Variants in NRAP observed in about 807,000 individuals in gnomAD.
The protein encoded by NRAP is nebulin-related-anchoring protein.
In NRAP, 189 loss-of-function variants were observed where a neutral mutation model predicts 225.9. That is an observed-to-expected ratio of 0.84 (90% CI 0.74 to 0.94). The LOEUF (loss-of-function observed/expected upper bound fraction) is 0.94. Ranked by LOEUF, NRAP falls within the 40% of genes least tolerant of loss-of-function variation. NRAP has a pLI of 0.00. For missense variants in NRAP, 2,176 were observed against 2,168.7 expected (o/e 1.00, Z -0.07); for synonymous variants, 769 against 790.7 (o/e 0.97, Z 0.46).
At chr10:113,589,430 G>T in intron 41 of NRAP, 1 of 594,390 alleles carries the variant, frequency 1.7e-6, no homozygotes, top group Non-Finnish European at 2.9e-6. Flanking sequence ...CGGTAGGTTT[G>T]CCTCTGCAGA....
In NRAP at chr10:113,650,158, G is replaced by A. The variant is rs1849854051; in HGVS notation, c.784-17C>T. 1.3e-6 allele frequency: 2 copies of A among 1,508,806 alleles called. No homozygotes were observed. The highest frequency in any genetic ancestry group is 2.7e-5 in the African/African-American group (2 of 72,948). 93.5% of individuals were successfully genotyped at this position (1,508,806 alleles called of 1,614,324 possible). A position where few individuals can be genotyped will look rare whatever the true frequency, so the allele number is the denominator to read the frequency against. ...GTACCTCACCTGTTTTAAGGCAAAG[G>A]ACAAACTCGGTGAATTTGACTCCCA... is the stretch of plus-strand genomic sequence containing the variant. On this transcript the variant is annotated splice_polypyrimidine_tract_variant and intron_variant, in intron 8 of 41. Coordinates refer to ENST00000359988, the MANE Select transcript of NRAP (RefSeq NM_198060.4).
At chr10:113,624,139 T>G (rs533257335) in intron 22 of NRAP, among the ~76,000 whole-genome samples, 7 of 152,290 alleles carry the variant, frequency 4.6e-5, no homozygotes, top group Admixed American at 2.0e-4. Flanking sequence ...GGAAGCCTCC[T>G]TTCCCTTTCT....
intron 35 of NRAP, among the ~76,000 whole-genome samples, chr10:113,602,425 C>G (rs1408434867): frequency 6.6e-6 from 1 of 152,144 alleles, no homozygotes; most frequent in East Asian, 1.9e-4. Context: ...ATGCTATGAG[C>G]TGTTTTGGGG....
chr10:113,620,760 A>C, intron 24 of NRAP, 52 bp from the exon 25 acceptor site: 1 of 1,293,458 alleles, frequency 7.7e-7, no homozygotes, highest in Non-Finnish European at 1.1e-6. Context: ...TGGTGCACAG[A>C]CATTTAAAGG....
At chr10:113,597,841 C>T (rs891534944) in intron 36 of NRAP, 128 bp downstream of exon 36, 2 of 720,408 alleles carry the variant, frequency 2.8e-6, no homozygotes, top group South Asian at 1.6e-5. Flanking sequence ...GCACATGGCC[C>T]TCCAAAAATA....
intron 18 of NRAP, among the ~76,000 whole-genome samples, 195 bp downstream of exon 18, chr10:113,631,314 T>G (rs556322849): frequency 6.6e-6 from 1 of 152,092 alleles, no homozygotes; most frequent in South Asian, 2.1e-4. Context: ...GCCACACTCC[T>G]TATCTATTTA....
At chr10:113,635,917 C>A (rs546773925) in intron 14 of NRAP, among the ~76,000 whole-genome samples, 1 of 152,326 alleles carries the variant, frequency 6.6e-6, no homozygotes, top group African/African-American at 2.4e-5. Context: ...CTCAGACATT[C>A]CCTGCCCACA....
intron 32 of NRAP, 91 bp from the exon 33 acceptor site, chr10:113,606,373 A>T: frequency 1.3e-6 from 1 of 755,624 alleles, no homozygotes; most frequent in Non-Finnish European, 2.2e-6. Flanking sequence ...AGTTGAGGAA[A>T]CACAATAGCA....
At chr10:113,656,368 T>G (rs1850308143) in intron 4 of NRAP, among the ~76,000 whole-genome samples, 2 of 152,208 alleles carry the variant, frequency 1.3e-5, no homozygotes, top group Admixed American at 1.3e-4. Flanking sequence ...ACACCTCACA[T>G]GTACTGATTG....
intron 18 of NRAP, among the ~76,000 whole-genome samples, chr10:113,630,024 T>C (rs968676287): frequency 2.0e-5 from 3 of 152,054 alleles, no homozygotes; most frequent in African/African-American, 7.2e-5. Flanking sequence ...TGCTAAACCT[T>C]TTCACCCGGC....
chr10:113,654,335 A>G (rs1273448633), intron 4 of NRAP, among the ~76,000 whole-genome samples: 4 of 152,234 alleles, frequency 2.6e-5, no homozygotes, highest in Non-Finnish European at 5.9e-5. Flanking sequence ...CTTATGTTAC[A>G]GGAAAATTTT....
At chr10:113,598,824 A>T (rs937845225) in intron 35 of NRAP, among the ~76,000 whole-genome samples, 1 of 152,234 alleles carries the variant, frequency 6.6e-6, no homozygotes, top group Non-Finnish European at 1.5e-5. Flanking sequence ...AAATAGGCTA[A>T]GCCTTATTTT....
In NRAP at chr10:113,612,344, G is replaced by A. The variant is rs148326403; in HGVS notation, c.3388C>T (p.Gln1130Ter). 89 of 1,614,192 alleles carry A rather than the reference G, an allele frequency of 5.5e-5. No homozygotes were observed. The highest frequency in any genetic ancestry group is 7.4e-5 in the Non-Finnish European group (87 of 1,180,008). The change falls in exon 30 of 42, where the codon CAG (glutamine) becomes TAG (stop). Residue 1130 changes from glutamine to a stop codon, truncating the protein, a stop_gained. Transcript: ENST00000359988. LOFTEE classifies it high-confidence loss of function. Reference sequence around the variant, plus strand: ...TAGTCCTGATTGCTGGCCAGGGTCTGAGCCTTCTTGGCATGCACCAGGGCG... The same window carrying A: ...TAGTCCTGATTGCTGGCCAGGGTCTAAGCCTTCTTGGCATGCACCAGGGCG... ...MAALVHAKKA[Q>*]TLASNQDYKH... is the part of the protein sequence containing the mutation.
intron 32 of NRAP, 57 bp downstream of exon 32, chr10:113,608,357 T>G: frequency 9.3e-7 from 1 of 1,078,548 alleles, no homozygotes; most frequent in South Asian, 1.3e-5. Context: ...TCACGTGTAT[T>G]TTTAACAATC....
chr10:113,597,163 C>T lies in NRAP; in HGVS notation c.4354G>A (p.Asp1452Asn). 1 of 1,612,742 alleles carries T rather than the reference C, an allele frequency of 6.2e-7. No individual in the cohort carries two copies. The highest frequency in any genetic ancestry group is 8.5e-7 in the Non-Finnish European group (1 of 1,178,748). ...ISETKYRKKP[D>N]SIKFTTVVDS... ...ACCACTGTGGTGAACTTGATACTGT[C>T]TGGTTTTTTACGGTACTTGGTCTAT... The change falls in exon 37 of 42, where the codon GAC (aspartate) becomes AAC (asparagine). Residue 1452 changes from aspartate to asparagine, a missense_variant. Transcript: ENST00000359988.
intron 3 of NRAP, among the ~76,000 whole-genome samples, chr10:113,661,891 G>A (rs546323110): frequency 1.3e-5 from 2 of 152,178 alleles, no homozygotes; most frequent in Non-Finnish European, 2.9e-5. Flanking sequence ...TTAATTTTGT[G>A]TACCAGAATG....
At chr10:113,590,916 T>A in intron 39 of NRAP, 27 bp from the exon 40 acceptor site, 1 of 1,602,338 alleles carries the variant, frequency 6.2e-7, no homozygotes, top group Non-Finnish European at 8.5e-7. Flanking sequence ...CAGAGGCAGA[T>A]CATGGGTGCC....
chr10:113,619,127 G>T (rs1206678598), intron 25 of NRAP, among the ~76,000 whole-genome samples: 1 of 152,182 alleles, frequency 6.6e-6, no homozygotes, highest in East Asian at 1.9e-4. Context: ...GAGAAAGTAT[G>T]CAAAATGAGG....
Position 113,650,072 on chromosome 10 carries a change from T to C in NRAP, c.853A>G (p.Ile285Val), listed in dbSNP as rs1849846453. The C allele has an allele frequency of 4.3e-6, 7 of 1,610,690 alleles. No homozygotes were observed. The highest frequency in any genetic ancestry group is 5.9e-6 in the Non-Finnish European group (7 of 1,176,992). The change falls in exon 9 of 42, where the codon ATC becomes GTC. Residue 285 changes from isoleucine (I) to valine (V), a missense_variant. Around this residue, in one of 3 missense-constraint regions of NRAP, gnomAD observed 1,708 missense variants for 1,695.5 expected, o/e 1.01. Coordinates refer to ENST00000359988, the MANE Select transcript of NRAP (RefSeq NM_198060.4). The part of the protein sequence containing the change: ...MAGPAIGAEG[I>V]LTRECADQYG... ...TGGTCTGCACATTCCCTTGTCAAGA[T>C]GCCCTCAGCTCCAATGGCTGGACCA...
Sources: gnomAD v4.1 joint callset for allele counts (sites outside exome capture counted in the v4.1 genomes callset) on GRCh38, gnomAD v4.1.1 for gene constraint, gnomAD v4.1.1 regional missense constraint, MANE v1.5 for transcripts, NCBI Gene and HGNC (gene_info 2026-07-23, HGNC 2026-07-21) for gene names.